The following CDC42BPB variants were observed in gnomAD, a reference collection of about 807,000 sequenced individuals.
CDC42BPB encodes the protein serine/threonine-protein kinase MRCK beta.
CDC42BPB carries 37 observed loss-of-function variants against 214.9 expected under a neutral mutation model. The ratio of observed to expected loss-of-function variants is 0.17; its 90% CI spans 0.13 to 0.23. CDC42BPB has a LOEUF of 0.23. Ranked by LOEUF, CDC42BPB falls within the 10% of genes least tolerant of loss-of-function variation. The probability of loss-of-function intolerance (pLI) is 1.00; values close to 1 mark genes in which losing one functional copy is unlikely to be tolerated. For missense variants in CDC42BPB, 1,694 were observed against 2,227.0 expected, an observed-to-expected ratio of 0.76 and a Z score of 4.82; for synonymous variants, 931 against 884.0, an observed-to-expected ratio of 1.05 and a Z score of -0.94.
chr14:102,941,420 A>C (rs567862123), intron 30 of CDC42BPB: 2 of 985,498 alleles, frequency 2.0e-6, no homozygotes, highest in Admixed American at 6.1e-5. Context: ...AAGGGAAATC[A>C]AACAGGGTTT....
At chr14:103,052,714 C>G (rs1032240779) in intron 1 of CDC42BPB, among the ~76,000 whole-genome samples, 1 of 152,154 alleles carries the variant, frequency 6.6e-6, no homozygotes, top group Non-Finnish European at 1.5e-5. Context: ...GACTGGAAAC[C>G]CACGGTCCGC....
intron 21 of CDC42BPB, among the ~76,000 whole-genome samples, chr14:102,955,992 ACTGG>A (rs1333241362): frequency 1.3e-5 from 2 of 152,236 alleles, no homozygotes; most frequent in Admixed American, 1.3e-4. Context: ...GGCTAGCTCG[ACTGG>A]CTAATTACCA....
At chr14:102,968,450 T>G (rs778969431) in intron 15 of CDC42BPB, 22 bp downstream of exon 15, 3 of 1,613,784 alleles carry the variant, frequency 1.9e-6, no homozygotes, top group Non-Finnish European at 1.7e-6. Context: ...TCTTCTGAAC[T>G]GAGAAGCTCA....
At chr14:102,952,630 AG>A in intron 23 of CDC42BPB, 27 bp from the exon 24 acceptor site, 1 of 1,604,626 alleles carries the variant, frequency 6.2e-7, no homozygotes, top group Non-Finnish European at 8.5e-7. Flanking sequence ...AAGAACACTG[AG>A]GTGAACCATG....
intron 12 of CDC42BPB, among the ~76,000 whole-genome samples, chr14:102,973,799 C>T (rs1388341833): frequency 6.6e-6 from 1 of 152,230 alleles, no homozygotes; most frequent in Non-Finnish European, 1.5e-5. Context: ...AAGGCACCTG[C>T]CACTGGGAGC....
chr14:102,994,705 G>C (rs1001011514), intron 5 of CDC42BPB, among the ~76,000 whole-genome samples: 1 of 152,346 alleles, frequency 6.6e-6, no homozygotes. Context: ...AGCAGGTGTG[G>C]GTGAAAGAGC....
rs1216326863 is a variant in CDC42BPB, at chr14:102,941,628, GAAGTC to G, written c.4409-1309_4409-1305del. On this transcript the variant is annotated intron_variant, in intron 30 of 36. Transcript: ENST00000361246. ...GGATTCGCTTGCAAGGAAGCAGGAA[GAAGTC>G]TAGTTTGCTGACTCAGTGATAAACA... 89 of 903,174 alleles carry G rather than the reference GAAGTC, an allele frequency of 9.9e-5. No homozygotes were observed. In the African/African-American group the frequency reaches 1.6e-3, roughly 16 times the overall value. The allele number at this position is 903,174 out of a possible 1,614,324, so 55.9% of individuals were successfully genotyped here. A position where few individuals can be genotyped will look rare whatever the true frequency, so the allele number is the denominator to read the frequency against.
chr14:102,948,740 G>A (rs1286180602), intron 26 of CDC42BPB, among the ~76,000 whole-genome samples: 1 of 149,996 alleles, frequency 6.7e-6, no homozygotes, highest in Non-Finnish European at 1.5e-5. Flanking sequence ...GGAGCGGGGT[G>A]TGGGATCAGT....
intron 11 of CDC42BPB, chr14:102,974,371 C>T (rs1487990468): frequency 4.1e-6 from 4 of 984,598 alleles, no homozygotes; most frequent in Non-Finnish European, 4.8e-6. Context: ...GCTCCCTAGA[C>T]TTTACTCTGA....
rs1893491251 is a variant in CDC42BPB, at chr14:102,971,952, C to T, written c.1851G>A (p.Gln617=). 11 of 1,614,138 alleles carry T rather than the reference C, an allele frequency of 6.8e-6. No homozygotes were observed. Among genetic ancestry groups the T allele is most frequent in the Non-Finnish European group, 8.5e-6 (10 of 1,180,058 alleles). ...TGAGCTTCTCAGCTCTCCGCATTTC[C>T]TGCCGCATGGCGTCCACCTTCTGCG... is the stretch of plus-strand genomic sequence containing the variant. ...VATQKVDAMR[Q]EMRRAEKLRK... The change falls in exon 13 of 37, where the codon CAG becomes CAA. Residue 617 remains glutamine, a synonymous_variant. Coordinates refer to ENST00000361246, the MANE Select transcript of CDC42BPB (RefSeq NM_006035.4).
intron 1 of CDC42BPB, among the ~76,000 whole-genome samples, chr14:103,048,028 A>T (rs995125366): frequency 6.6e-6 from 1 of 152,196 alleles, no homozygotes; most frequent in Admixed American, 6.5e-5. Context: ...AGAAAGGGGA[A>T]TTCAACAGAG....
Position 102,963,081 on chromosome 14 carries a change from T to C in CDC42BPB, c.2801A>G (p.Glu934Gly). ...EMEILKKKMEEKFRADTGLKL... is the reference protein window; with the variant it reads ...EMEILKKKMEGKFRADTGLKL... ...TTTACCAGTATCTGCTCTGAATTTT[T>C]CTTCCATCTTTTTCTTCAAAATTTC... is the stretch of plus-strand genomic sequence containing the variant. Residue 934 changes from glutamate (E) to glycine (G), a missense_variant, in exon 20 of 37, where the codon GAA (glutamate) becomes GGA (glycine). Glu to Gly is a moderately conservative substitution (Grantham distance 98). Around this residue, in one of 7 missense-constraint regions of CDC42BPB, gnomAD observed 156 missense variants for 154.5 expected, o/e 1.01. Transcript: ENST00000361246. The C allele has an allele frequency of 6.5e-7, 1 of 1,527,208 alleles. No homozygotes were observed. The highest frequency in any genetic ancestry group is 9.1e-7 in the Non-Finnish European group (1 of 1,102,140). 94.6% of individuals were successfully genotyped at this position (1,527,208 alleles called of 1,614,324 possible). A position where few individuals can be genotyped will look rare whatever the true frequency, so the allele number is the denominator to read the frequency against.
rs1306125157 is a variant in CDC42BPB at position 102,945,405 on chromosome 14, T to C, written c.3811+257A>G. On this transcript the variant is annotated intron_variant, in intron 29 of 36. Transcript: ENST00000361246. Reference sequence around the variant, plus strand: ...GCACATGTGGGAAAGCTGCAGCTGTTCCTCCTCCCAGGGGGCTTTCCTTGA... The same window carrying C: ...GCACATGTGGGAAAGCTGCAGCTGTCCCTCCTCCCAGGGGGCTTTCCTTGA... 7.3e-6 allele frequency: 4 copies of C among 548,224 alleles called. No individual in the cohort carries two copies. In the African/African-American group the frequency reaches 7.5e-5, roughly 10 times the overall value. 34.0% of individuals were successfully genotyped at this position (548,224 alleles called of 1,614,324 possible).
intron 5 of CDC42BPB, among the ~76,000 whole-genome samples, chr14:102,988,157 A>G (rs1894334283): frequency 6.6e-6 from 1 of 152,216 alleles, no homozygotes. Context: ...GAAAAATTGA[A>G]GAAAGGGAAG....
intron 2 of CDC42BPB, among the ~76,000 whole-genome samples, chr14:103,009,489 G>A (rs1886033631): frequency 6.6e-6 from 1 of 152,216 alleles, no homozygotes; most frequent in Non-Finnish European, 1.5e-5. Context: ...AAGGCCGCAT[G>A]GAAAGGACAG....
intron 17 of CDC42BPB, 96 bp downstream of exon 17, chr14:102,966,950 T>G (rs1893234688): frequency 2.1e-6 from 3 of 1,421,492 alleles, no homozygotes; most frequent in Non-Finnish European, 2.9e-6. Context: ...AGGCACGGCC[T>G]GGCGTGGAGC....
At chr14:102,983,481 C>T in intron 7 of CDC42BPB, 75 bp downstream of exon 7, 1 of 1,581,280 alleles carries the variant, frequency 6.3e-7, no homozygotes, top group Non-Finnish European at 8.5e-7. Flanking sequence ...AACGGATCTT[C>T]CTGCACTAGT....
intron 1 of CDC42BPB, among the ~76,000 whole-genome samples, chr14:103,016,831 G>A (rs1022382262): frequency 2.0e-5 from 3 of 152,040 alleles, no homozygotes; most frequent in Admixed American, 2.0e-4. Context: ...AAGAGTATCC[G>A]GAAGCAGCAG....
intron 1 of CDC42BPB, among the ~76,000 whole-genome samples, chr14:103,040,328 C>G (rs1271936928): frequency 6.6e-6 from 1 of 151,780 alleles, no homozygotes. Context: ...GCACTCTAGC[C>G]TGGGCGACAG....
Sources: allele counts gnomAD v4.1 joint callset (sites outside exome capture counted in the v4.1 genomes callset), GRCh38; gene constraint gnomAD v4.1.1; regional missense constraint gnomAD v4.1.1; transcripts MANE v1.5; gene names NCBI Gene and HGNC (gene_info 2026-07-23, HGNC 2026-07-21).